The following DGKB variants were observed in gnomAD, a reference collection of about 807,000 sequenced individuals.
DGKB encodes 90 kDa diacylglycerol kinase.
In DGKB, 67 loss-of-function variants were observed where a neutral mutation model predicts 114.3. The observed-to-expected ratio is 0.59, with a 90% CI of 0.48 to 0.72. DGKB has a LOEUF of 0.72. Among genes scored for constraint, DGKB ranks in the 30% least tolerant of loss-of-function variants. The pLI is 0.00. For missense variants in DGKB, 907 were observed against 975.2 expected (o/e 0.93, Z 0.93); for synonymous variants, 398 against 323.1 (o/e 1.23, Z -2.49).
intron 21 of DGKB, among the ~76,000 whole-genome samples, chr7:14,425,545 G>A (rs536896490): frequency 1.0e-3 from 158 of 152,122 alleles, no homozygotes; most frequent in African/African-American, 3.6e-3. Context: ...GCTACTACTG[G>A]AACACCTATA....
At chr7:14,754,098 C>T (rs1391820809) in intron 3 of DGKB, 150 bp from the exon 4 acceptor site, 7 of 552,374 alleles carry the variant, frequency 1.3e-5, no homozygotes, top group East Asian at 3.1e-5. Context: ...AAGGTGGTTC[C>T]GAAACAGTGG....
chr7:14,356,902 T>C (rs996168747), intron 21 of DGKB, among the ~76,000 whole-genome samples: 1 of 152,220 alleles, frequency 6.6e-6, no homozygotes, highest in African/African-American at 2.4e-5. Flanking sequence ...CCTGTAGTTG[T>C]GCAGTTTTGA....
At chr7:14,285,872 A>C (rs1800791018) in intron 23 of DGKB, among the ~76,000 whole-genome samples, 2 of 152,136 alleles carry the variant, frequency 1.3e-5, no homozygotes, top group Non-Finnish European at 2.9e-5. Flanking sequence ...AGTAGGTTCA[A>C]ATACTTAAAT....
chr7:14,308,671 G>A (rs1804871517), intron 23 of DGKB, among the ~76,000 whole-genome samples: 1 of 152,096 alleles, frequency 6.6e-6, no homozygotes, highest in South Asian at 2.1e-4. Flanking sequence ...TCAATATGAA[G>A]GTAGATAAAA....
chr7:14,648,772 A>T (rs2128893110), intron 13 of DGKB, among the ~76,000 whole-genome samples: 1 of 141,970 alleles, frequency 7.0e-6, no homozygotes, highest in Non-Finnish European at 1.5e-5. Flanking sequence ...ATGTATAACT[A>T]GAATAACCAA....
At chr7:14,539,163 A>G (rs1186638933) in intron 20 of DGKB, among the ~76,000 whole-genome samples, 1 of 152,134 alleles carries the variant, frequency 6.6e-6, no homozygotes, top group Non-Finnish European at 1.5e-5. Context: ...CAAAACAAAA[A>G]CAAAACAAAG....
chr7:14,342,621 G>C (rs965674104), intron 22 of DGKB, among the ~76,000 whole-genome samples: 2 of 151,892 alleles, frequency 1.3e-5, no homozygotes, highest in East Asian at 3.9e-4. Context: ...CATTGTGGCA[G>C]CAACATAATT....
intron 6 of DGKB, among the ~76,000 whole-genome samples, chr7:14,711,504 C>A (rs1827344266): frequency 6.6e-6 from 1 of 151,848 alleles, no homozygotes; most frequent in Non-Finnish European, 1.5e-5. Flanking sequence ...ATTGAAGTAC[C>A]ACTATAGTAA....
At chr7:14,570,155 A>G (rs1235883442) in intron 20 of DGKB, among the ~76,000 whole-genome samples, 1 of 151,018 alleles carries the variant, frequency 6.6e-6, no homozygotes, top group Non-Finnish European at 1.5e-5. Context: ...TTTGTTTTTC[A>G]CCATATGTTG....
intron 1 of DGKB, among the ~76,000 whole-genome samples, chr7:14,865,798 A>C (rs1186733739): frequency 2.0e-5 from 3 of 152,188 alleles, no homozygotes. Context: ...GAGTAAAAAG[A>C]AGACCATGAA....
intron 15 of DGKB, among the ~76,000 whole-genome samples, chr7:14,616,337 G>C (rs910959545): frequency 2.3e-4 from 34 of 150,930 alleles, no homozygotes; most frequent in Admixed American, 1.1e-3. Flanking sequence ...AACCTAAATG[G>C]GATATGAGGT....
chr7:14,242,640 G>A (rs1391896154), intron 23 of DGKB, among the ~76,000 whole-genome samples: 2 of 151,890 alleles, frequency 1.3e-5, no homozygotes, highest in African/African-American at 2.4e-5. Context: ...CAACCTGAAG[G>A]GAGAAAAAGT....
At chr7:14,305,377 G>C (rs974447042) in intron 23 of DGKB, among the ~76,000 whole-genome samples, 3 of 152,074 alleles carry the variant, frequency 2.0e-5, no homozygotes, top group African/African-American at 7.2e-5. Flanking sequence ...GGGAACATGT[G>C]ATATACGTCT....
chr7:14,648,187 G>A (rs1027527028), intron 13 of DGKB, among the ~76,000 whole-genome samples: 3 of 152,202 alleles, frequency 2.0e-5, no homozygotes, highest in Non-Finnish European at 4.4e-5. Flanking sequence ...CCACCTCTGG[G>A]GGCAAGGCAC....
intron 23 of DGKB, among the ~76,000 whole-genome samples, chr7:14,308,352 A>C (rs566171632): frequency 6.6e-6 from 1 of 152,190 alleles, no homozygotes; most frequent in African/African-American, 2.4e-5. Flanking sequence ...TGTACTTAGC[A>C]ATTTGTAATA....
intron 2 of DGKB, chr7:14,816,336 C>G (rs991690339): frequency 1.3e-5 from 2 of 152,170 alleles, no homozygotes; most frequent in African/African-American, 4.8e-5. Flanking sequence ...GAGTGAAACT[C>G]AGTCTAAAAA....
chr7:14,897,677 T>C (rs1782324745), intron 1 of DGKB, among the ~76,000 whole-genome samples: 1 of 151,986 alleles, frequency 6.6e-6, no homozygotes, highest in African/African-American at 2.4e-5. Context: ...TTCCAAAATA[T>C]TGCCCCACGT....
intron 21 of DGKB, among the ~76,000 whole-genome samples, chr7:14,441,100 C>T (rs1421104551): frequency 6.6e-6 from 1 of 152,042 alleles, no homozygotes; most frequent in Non-Finnish European, 1.5e-5. Context: ...CCTCCACCTC[C>T]AGAGTTCAAG....
At chr7:14,242,556 G>T (rs17709421) in intron 23 of DGKB, among the ~76,000 whole-genome samples, 30,006 of 152,034 alleles carry the variant, frequency 0.2, 3,349 homozygotes, top group Middle Eastern at 0.27. Flanking sequence ...ATGCCACCCA[G>T]GCCCTTCAAA....
Sources: allele counts gnomAD v4.1 joint callset (sites outside exome capture counted in the v4.1 genomes callset), GRCh38; gene constraint gnomAD v4.1.1; transcripts MANE v1.5; gene names NCBI Gene and HGNC (gene_info 2026-07-23, HGNC 2026-07-21).